The following MTSS1 variants were observed in gnomAD, a reference collection of about 807,000 sequenced individuals.
The protein encoded by MTSS1 is protein MTSS 1.
A neutral mutation model predicts 79.0 loss-of-function variants in MTSS1; 18 were observed. The ratio of observed to expected loss-of-function variants is 0.23; its 90% confidence interval spans 0.16 to 0.34. The LOEUF (loss-of-function observed/expected upper bound fraction) is 0.34. Among genes scored for constraint, MTSS1 ranks in the 10% least tolerant of loss-of-function variants. The probability of loss-of-function intolerance (pLI) is 1.00; values close to 1 mark genes in which losing one functional copy is unlikely to be tolerated. For missense variants in MTSS1, 815 were observed against 986.2 expected (o/e 0.83, Z 2.33); for synonymous variants, 341 against 368.6 (o/e 0.93, Z 0.86).
intron 3 of MTSS1, 140 bp from the exon 4 acceptor site, chr8:124,591,375 C>G: frequency 1.5e-6 from 1 of 683,366 alleles, no homozygotes; most frequent in South Asian, 1.7e-5. Flanking sequence ...CTCACCATGC[C>G]CATGTGTGCA....
intron 3 of MTSS1, among the ~76,000 whole-genome samples, chr8:124,655,222 T>A (rs533201851): frequency 6.6e-6 from 1 of 152,394 alleles, no homozygotes; most frequent in South Asian, 2.1e-4. Flanking sequence ...GAGCCCTGCC[T>A]GGTGCACACA....
In MTSS1 at chr8:124,691,148, C is replaced by T. The variant is rs190215353; in HGVS notation, c.208+8378G>A. On this transcript the variant is annotated intron_variant, in intron 3 of 13. Coordinates refer to ENST00000518547, the MANE Select transcript of MTSS1 (RefSeq NM_014751.6). Reference sequence around the variant, plus strand: ...ACATTGTGCTAACAAATTAAAATGACGCAAGACAAATTGAAGTGGAAAAAC... The same window carrying T: ...ACATTGTGCTAACAAATTAAAATGATGCAAGACAAATTGAAGTGGAAAAAC... Among the ~76,000 whole-genome samples, 236 of 152,242 alleles carry T rather than the reference C, an allele frequency of 1.6e-3. 8 individuals carry two copies. The highest frequency in any genetic ancestry group is 0.015 in the Admixed American group (225 of 15,280).
At chr8:124,653,319 A>C (rs1221602609) in intron 3 of MTSS1, among the ~76,000 whole-genome samples, 2 of 152,248 alleles carry the variant, frequency 1.3e-5, no homozygotes, top group Non-Finnish European at 2.9e-5. Flanking sequence ...AGTCCATCAC[A>C]TTGAAATAAA....
In MTSS1 at chr8:124,634,214, A is replaced by G. The variant is rs1587461152; in HGVS notation, c.209-42979T>C. ...AGCCACAACCTCCTGGGCGCAAGCA[A>G]TCCTCCCACCTGAACCTTGCAAGTA... On this transcript the variant is annotated intron_variant, in intron 3 of 13. Coordinates refer to ENST00000518547, the MANE Select transcript of MTSS1 (RefSeq NM_014751.6). Among the ~76,000 whole-genome samples the G allele has an allele frequency of 3.3e-5, 5 of 152,066 alleles. No individual in the cohort carries two copies. The South Asian group carries it at 8.3e-4, about 25-fold the overall frequency.
intron 3 of MTSS1, among the ~76,000 whole-genome samples, chr8:124,627,922 TTTGGGAGG>T: frequency 6.6e-6 from 1 of 152,040 alleles, no homozygotes; most frequent in African/African-American, 2.4e-5. Context: ...ATCCCAACAC[TTTGGGAGG>T]CCGAGGTGGG....
At chr8:124,581,875 G>A (rs1830110900) in intron 6 of MTSS1, among the ~76,000 whole-genome samples, 2 of 152,186 alleles carry the variant, frequency 1.3e-5, no homozygotes, top group African/African-American at 4.8e-5. Flanking sequence ...TCTCATTTCT[G>A]ATGCTCTCTC....
At chr8:124,674,087 T>G (rs1824818971) in intron 3 of MTSS1, among the ~76,000 whole-genome samples, 1 of 152,170 alleles carries the variant, frequency 6.6e-6, no homozygotes, top group Non-Finnish European at 1.5e-5. Context: ...TCCAAGAAAC[T>G]TAATGAACCA....
At chr8:124,603,723 C>T (rs1333664016) in intron 3 of MTSS1, among the ~76,000 whole-genome samples, 6 of 152,176 alleles carry the variant, frequency 3.9e-5, no homozygotes, top group Admixed American at 1.3e-4. Context: ...AGACTCTGTT[C>T]ACACGAGACA....
intron 1 of MTSS1, among the ~76,000 whole-genome samples, chr8:124,709,924 G>A (rs926825253): frequency 6.6e-6 from 1 of 152,170 alleles, no homozygotes; most frequent in African/African-American, 2.4e-5. Flanking sequence ...CTACCCTCTG[G>A]TTTAGCTGCA....
intron 3 of MTSS1, among the ~76,000 whole-genome samples, chr8:124,618,980 CCT>C (rs2133478070): frequency 6.6e-6 from 1 of 152,306 alleles, no homozygotes; most frequent in Admixed American, 6.5e-5. Context: ...ACTAAGTTTG[CCT>C]TTCTAAAATT....
At chr8:124,616,328 T>C (rs999308998) in intron 3 of MTSS1, among the ~76,000 whole-genome samples, 19 of 151,544 alleles carry the variant, frequency 1.3e-4, no homozygotes, top group African/African-American at 4.6e-4. Context: ...ATGAGGTTTT[T>C]GTCATTGCTG....
At chr8:124,613,757 G>A (rs948689692) in intron 3 of MTSS1, among the ~76,000 whole-genome samples, 19 of 152,350 alleles carry the variant, frequency 1.2e-4, no homozygotes, top group African/African-American at 4.6e-4. Flanking sequence ...TGAGATCTGA[G>A]TGGAACTGAG....
intron 3 of MTSS1, among the ~76,000 whole-genome samples, chr8:124,636,838 C>G (rs972704310): frequency 6.6e-5 from 10 of 152,218 alleles, no homozygotes; most frequent in African/African-American, 2.2e-4. Flanking sequence ...GACCTTTGAT[C>G]CTCTGCAGAG....
intron 3 of MTSS1, among the ~76,000 whole-genome samples, chr8:124,687,016 C>G (rs541528452): frequency 2.0e-5 from 3 of 152,306 alleles, no homozygotes; most frequent in African/African-American, 7.2e-5. Context: ...GATAAGGCAG[C>G]TGGTGGGCAA....
chr8:124,674,813 C>T (rs555711986), intron 3 of MTSS1, among the ~76,000 whole-genome samples: 1 of 152,230 alleles, frequency 6.6e-6, no homozygotes, highest in South Asian at 2.1e-4. Flanking sequence ...CCTCTGCTTC[C>T]CAGGTTCAAT....
At chr8:124,716,244 A>G (rs980920179) in intron 1 of MTSS1, among the ~76,000 whole-genome samples, 1 of 151,936 alleles carries the variant, frequency 6.6e-6, no homozygotes, top group Non-Finnish European at 1.5e-5. Context: ...TCGGTCTCAG[A>G]GGATAAATGG....
chr8:124,576,829 A>G (rs1435918651), intron 6 of MTSS1, among the ~76,000 whole-genome samples: 2 of 152,230 alleles, frequency 1.3e-5, no homozygotes, highest in East Asian at 3.8e-4. Context: ...ATATTATGCA[A>G]GGAATAAATA....
At chr8:124,665,460 C>T (rs138807079) in intron 3 of MTSS1, among the ~76,000 whole-genome samples, 1 of 152,314 alleles carries the variant, frequency 6.6e-6, no homozygotes, top group South Asian at 2.1e-4. Flanking sequence ...TCATACTCTT[C>T]CAGGAAGACT....
chr8:124,707,854 C>T (rs1021871973), intron 1 of MTSS1, among the ~76,000 whole-genome samples: 1 of 152,160 alleles, frequency 6.6e-6, no homozygotes, highest in African/African-American at 2.4e-5. Flanking sequence ...CCAGCCTGGG[C>T]AACAGAGCAA....
Sources: allele counts gnomAD v4.1 joint callset (sites outside exome capture counted in the v4.1 genomes callset), GRCh38; gene constraint gnomAD v4.1.1; transcripts MANE v1.5; gene names NCBI Gene and HGNC (gene_info 2026-07-23, HGNC 2026-07-21).